RIPK1: variants seen among roughly 807,000 people sequenced by gnomAD.
RIPK1 encodes receptor interacting serine/threonine kinase 1.
In RIPK1, 27 loss-of-function variants were observed where a neutral mutation model predicts 62.4. The ratio of observed to expected loss-of-function variants is 0.43; its 90% CI spans 0.32 to 0.60. The LOEUF is 0.60. Among genes scored for constraint, RIPK1 ranks in the 20% least tolerant of loss-of-function variants. The pLI, the probability that RIPK1 is intolerant of heterozygous loss-of-function variation, is 0.07. For synonymous variants in RIPK1, 287 were observed against 303.2 expected, an observed-to-expected ratio of 0.95 and a Z score of 0.55; for missense variants, 735 against 831.0, an observed-to-expected ratio of 0.88 and a Z score of 1.42.
In RIPK1 at chr6:3,105,515, A is replaced by C. The variant is rs752550475; in HGVS notation, c.1040A>C (p.Gln347Pro). The C allele has an allele frequency of 5.7e-6, 9 of 1,580,432 alleles. No homozygotes were observed. In the South Asian group the frequency reaches 1.1e-4, roughly 19 times the overall value. ...TEQPGSLHSS[Q>P]GLGMGPVEES... ...CAGCCTGGTTCACTGCACAGTTCCC[A>C]GGGACTTGGGATGGGTCCTGTGGAG... The change falls in exon 9 of 11, where the codon CAG becomes CCG. Residue 347 changes from glutamine (Q) to proline (P), a missense_variant. By Grantham distance (76) the Gln-to-Pro change is moderately conservative. This residue lies in a region of RIPK1 where 671 missense variants were observed against 726.2 expected (regional missense o/e 0.92). Coordinates refer to ENST00000259808, the MANE Select transcript of RIPK1 (RefSeq NM_001354930.2). This position sits in a 1 kb window ranked among gnomAD's most constrained non-coding sequence, Gnocchi z 4.5.
chr6:3,073,248 ATAT>A (rs554581847), intron 1 of RIPK1, among the ~76,000 whole-genome samples: 6,472 of 69,098 alleles, frequency 0.094, 442 homozygotes, highest in African/African-American at 0.25. Context: ...TTTATATCAT[ATAT>A]TATATATTAC....
At chr6:3,097,172 A>G (rs931265763) in intron 7 of RIPK1, among the ~76,000 whole-genome samples, 1 of 152,080 alleles carries the variant, frequency 6.6e-6, no homozygotes, top group African/African-American at 2.4e-5. Context: ...CGCCCAGCCT[A>G]TATCTCAACC....
Position 3,106,019 on chromosome 6 carries a change from C to G in RIPK1, c.1544C>G (p.Pro515Arg), listed in dbSNP as rs1348121811. Residue 515 changes from proline to arginine, a missense_variant, in exon 9 of 11, where the codon CCC becomes CGC. This residue lies in a region of RIPK1 where 671 missense variants were observed against 726.2 expected (regional missense o/e 0.92). Coordinates refer to ENST00000259808, the MANE Select transcript of RIPK1 (RefSeq NM_001354930.2). ...VPETNYLGNT[P>R]TMPFSSLPPT... ...GAGACCAACTATCTAGGAAATACAC[C>G]CACCATGCCATTCAGCTCCTTGCCA... 1.9e-6 allele frequency: 3 copies of G among 1,610,490 alleles called. No homozygotes were observed.
intron 8 of RIPK1, among the ~76,000 whole-genome samples, chr6:3,104,629 C>T (rs1760744471): frequency 1.3e-5 from 2 of 152,076 alleles, no homozygotes; most frequent in Admixed American, 6.6e-5. Context: ...GAGTGACTTA[C>T]AGCCAGGGTA....
At chr6:3,083,063 AG>A in intron 4 of RIPK1, 21 bp from the exon 5 acceptor site, 2 of 1,610,238 alleles carry the variant, frequency 1.2e-6, no homozygotes, top group Non-Finnish European at 1.7e-6. Context: ...AAACAATCCC[AG>A]TGGCTCAATG....
intron 7 of RIPK1, 48 bp from the exon 8 acceptor site, chr6:3,104,177 C>G (rs779281120): frequency 1.2e-6 from 1 of 802,476 alleles, no homozygotes; most frequent in Non-Finnish European, 2.1e-6. Context: ...TTCTGGGACT[C>G]TATTTCCTGC....
At position 3,105,500 on chromosome 6, in the gene RIPK1, C is replaced by A; in HGVS notation, c.1025C>A (p.Ser342Ter). 1 of 1,559,408 alleles carries A rather than the reference C, an allele frequency of 6.4e-7. No homozygotes were observed. The highest frequency in any genetic ancestry group is 8.6e-7 in the Non-Finnish European group (1 of 1,158,546). ...TTCTCAGCCACAGAACAGCCTGGTT[C>A]ACTGCACAGTTCCCAGGGACTTGGG... Reference protein sequence around the residue: ...RSNSATEQPGSLHSSQGLGMG... With the variant: ...RSNSATEQPG Residue 342 changes from serine (S) to a stop codon, truncating the protein, a stop_gained, in exon 9 of 11, where the codon TCA (serine) becomes TAA (stop). Coordinates refer to ENST00000259808, the MANE Select transcript of RIPK1 (RefSeq NM_001354930.2). LOFTEE classifies it high-confidence loss of function. The surrounding 1 kb of genome is among the most constrained non-coding windows in gnomAD (Gnocchi z 4.5).
In RIPK1 at chr6:3,081,056, C is replaced by T. The variant is rs781683197; in HGVS notation, c.399C>T (p.Gly133=). The T allele has an allele frequency of 1.4e-5, 22 of 1,613,926 alleles. No homozygotes were observed. The highest frequency in any genetic ancestry group is 7.7e-5 in the South Asian group (7 of 91,082). ...GAATGTGCTACTTACATGGAAAAGG[C>T]GTGATACACAAGGACCTGAAGCCTG... is the stretch of plus-strand genomic sequence containing the variant. ...IEGMCYLHGK[G]VIHKDLKPEN... Residue 133 remains glycine, a synonymous_variant, in exon 4 of 11, where the codon GGC becomes GGT. Transcript: ENST00000259808.
Position 3,072,390 on chromosome 6 carries a change from C to CATATATATATAT in RIPK1, c.-61+3733_-61+3744dup, listed in dbSNP as rs34461556. ...CTGTACTTATATCTTTATCTATTTA[C>CATATATATATAT]ATATATATATATATAAAACACACAC... is the stretch of plus-strand genomic sequence containing the variant. On this transcript the variant is annotated intron_variant, in intron 1 of 10. Transcript: ENST00000259808. This position sits in a 1 kb window ranked among gnomAD's most constrained non-coding sequence, Gnocchi z 5.6. Among the ~76,000 whole-genome samples, 7 of 150,944 alleles carry CATATATATATAT rather than the reference C, an allele frequency of 4.6e-5. No individual in the cohort carries two copies. The East Asian group carries it at 9.7e-4, about 21-fold the overall frequency.
chr6:3,088,101 T>C (rs1554114858), intron 6 of RIPK1, among the ~76,000 whole-genome samples: 1 of 152,230 alleles, frequency 6.6e-6, no homozygotes, highest in Non-Finnish European at 1.5e-5. Context: ...TGTTGAAACT[T>C]GTACATTTTC....
intron 3 of RIPK1, among the ~76,000 whole-genome samples, chr6:3,080,061 C>A (rs1279388612): frequency 2.6e-5 from 4 of 152,142 alleles, no homozygotes; most frequent in African/African-American, 9.7e-5. Context: ...CAAAGGTATA[C>A]CAAGGAAGAA....
chr6:3,076,195 G>C (rs1007497939), intron 1 of RIPK1, among the ~76,000 whole-genome samples: 1 of 152,018 alleles, frequency 6.6e-6, no homozygotes, highest in Admixed American at 6.6e-5. Flanking sequence ...TAGCTGGAGG[G>C]TTCTTAAAAT....
Position 3,104,237 on chromosome 6 carries a change from A to T in RIPK1, c.928A>T (p.Asn310Tyr). 1 of 1,569,554 alleles carries T rather than the reference A, an allele frequency of 6.4e-7. No homozygotes were observed. Among genetic ancestry groups the T allele is most frequent in the Non-Finnish European group, 8.8e-7 (1 of 1,141,074 alleles). ...DVKSLKKEYS[N>Y]ENAVVKRMQS... ...CTCTTAATTATAGAAAGAGTATTCA[A>T]ACGAAAATGCAGTTGTGAAGAGAAT... is the stretch of plus-strand genomic sequence containing the variant. The change falls in exon 8 of 11, where the codon AAC becomes TAC. Residue 310 changes from asparagine to tyrosine, a missense_variant. Physicochemically the swap from Asn to Tyr is moderately radical, Grantham distance 143 (BLOSUM62 -2). This residue lies in a region of RIPK1 where 671 missense variants were observed against 726.2 expected (regional missense o/e 0.92). Transcript: ENST00000259808.
chr6:3,080,533 G>A (rs937166653), intron 3 of RIPK1, among the ~76,000 whole-genome samples: 1 of 151,954 alleles, frequency 6.6e-6, no homozygotes, highest in African/African-American at 2.4e-5. Flanking sequence ...TATTTTACAC[G>A]CGACATTTGC....
Position 3,105,447 on chromosome 6 carries a change from T to C in RIPK1, c.1007-35T>C, listed in dbSNP as rs769046926. Reference sequence around the variant, plus strand: ...TTTTATTTTACTTTTTAATGTTTCATGACACCCATTCTAATGTTGATCATT... The same window carrying C: ...TTTTATTTTACTTTTTAATGTTTCACGACACCCATTCTAATGTTGATCATT... On this transcript the variant is annotated intron_variant, in intron 8 of 10. Transcript: ENST00000259808. This position sits in a 1 kb window ranked among gnomAD's most constrained non-coding sequence, Gnocchi z 4.5. 2 of 1,438,350 alleles carry C rather than the reference T, an allele frequency of 1.4e-6. No homozygotes were observed. The highest frequency in any genetic ancestry group is 2.8e-5 in the South Asian group (2 of 71,824). 89.1% of individuals were successfully genotyped at this position (1,438,350 alleles called of 1,614,324 possible). A position where few individuals can be genotyped will look rare whatever the true frequency, so the allele number is the denominator to read the frequency against.
intron 4 of RIPK1, 31 bp downstream of exon 4, chr6:3,081,147 T>A (rs367561249): frequency 3.1e-6 from 5 of 1,606,382 alleles, no homozygotes; most frequent in Non-Finnish European, 4.3e-6. Context: ...TTCCAGAAAG[T>A]TGGGTGATTT....
intron 9 of RIPK1, among the ~76,000 whole-genome samples, chr6:3,106,725 G>A (rs890698331): frequency 3.3e-5 from 5 of 152,148 alleles, no homozygotes; most frequent in African/African-American, 1.2e-4. Flanking sequence ...TCTTTCAAAA[G>A]GCCAAATTCT....
intron 7 of RIPK1, among the ~76,000 whole-genome samples, chr6:3,103,833 C>T (rs992944735): frequency 1.3e-5 from 2 of 152,164 alleles, no homozygotes; most frequent in African/African-American, 4.8e-5. Context: ...GGTCCAACTT[C>T]ATTATTTCAT....
upstream of RIPK1, among the ~76,000 whole-genome samples, chr6:3,064,505 TG>T (rs1314981280): frequency 6.6e-6 from 1 of 152,140 alleles, no homozygotes; most frequent in African/African-American, 2.4e-5. Context: ...GCGAAACGGA[TG>T]GGGCCCTTCC....
Sources: gnomAD v4.1 joint callset for allele counts (sites outside exome capture counted in the v4.1 genomes callset) on GRCh38, gnomAD v4.1.1 for gene constraint, gnomAD v4.1.1 regional missense constraint, Gnocchi (gnomAD v3.1) non-coding constraint, MANE v1.5 for transcripts, NCBI Gene and HGNC (gene_info 2026-07-23, HGNC 2026-07-21) for gene names.